Variants in PCDHAC2 observed in about 807,000 individuals in gnomAD.
The protein encoded by PCDHAC2 is protocadherin alpha subfamily C, 2, also known as protocadherin alpha-C2.
In PCDHAC2, 24 loss-of-function variants were observed where a neutral mutation model predicts 63.3. The observed-to-expected ratio is 0.38, with a 90% CI of 0.27 to 0.53. The LOEUF (loss-of-function observed/expected upper bound fraction) is 0.53, where lower values mean the gene tolerates loss of function less well. Ranked by LOEUF, PCDHAC2 falls within the 20% of genes least tolerant of loss-of-function variation. The pLI, the probability that PCDHAC2 is intolerant of heterozygous loss-of-function variation, is 0.81. For synonymous variants in PCDHAC2, 569 were observed against 529.4 expected (o/e 1.07, Z -1.03); for missense variants, 1,181 against 1,275.2 (o/e 0.93, Z 1.12).
intron 3 of PCDHAC2, among the ~76,000 whole-genome samples, chr5:140,983,718 T>C (rs2097062684): frequency 6.6e-6 from 1 of 152,248 alleles, no homozygotes; most frequent in South Asian, 2.1e-4. Context: ...CTAGCACTTA[T>C]ATTCATAACA....
intron 3 of PCDHAC2, among the ~76,000 whole-genome samples, chr5:140,995,578 T>C (rs1554254730): frequency 1.3e-5 from 2 of 152,256 alleles, no homozygotes; most frequent in African/African-American, 4.8e-5. Flanking sequence ...AGATGAGCTA[T>C]GAGCTTTTAA....
chr5:140,969,473 A>G (rs562575347), intron 1 of PCDHAC2, 142 bp downstream of exon 1: 1 of 1,478,090 alleles, frequency 6.8e-7, no homozygotes, highest in Non-Finnish European at 9.0e-7. Flanking sequence ...CCACAATTTG[A>G]TCATAATCTG....
chr5:140,980,724 T>G (rs2096903192), intron 2 of PCDHAC2, among the ~76,000 whole-genome samples: 1 of 152,176 alleles, frequency 6.6e-6, no homozygotes, highest in Non-Finnish European at 1.5e-5. Flanking sequence ...GGGTTTCAAT[T>G]AAGATATTAT....
chr5:140,967,986 C>A lies in PCDHAC2; in HGVS notation c.1220C>A (p.Thr407Lys). The A allele has an allele frequency of 6.2e-7, 1 of 1,614,226 alleles. No individual in the cohort carries two copies. The highest frequency in any genetic ancestry group is 8.5e-7 in the Non-Finnish European group (1 of 1,180,040). Residue 407 changes from threonine (T) to lysine (K), a missense_variant, in exon 1 of 4, where the codon ACA becomes AAA. By Grantham distance (78) the Thr-to-Lys change is moderately conservative. This residue lies in a region of PCDHAC2 where 968 missense variants were observed against 1,073.5 expected (regional missense o/e 0.90). Coordinates refer to ENST00000289269, the MANE Select transcript of PCDHAC2 (RefSeq NM_018899.6). The part of the protein sequence containing the change: ...NRKVSLGLEA[T>K]LPFRLNGFGN... ...AAAGTGAGCCTGGGTCTGGAGGCCA[C>A]ACTGCCTTTCCGACTGAATGGCTTT...
At chr5:140,981,665 CCTTT>C (rs1170982670) in intron 2 of PCDHAC2, among the ~76,000 whole-genome samples, 2 of 152,092 alleles carry the variant, frequency 1.3e-5, no homozygotes, top group Non-Finnish European at 2.9e-5. Flanking sequence ...TTTCTTCCTT[CCTTT>C]CTTCCTTCCT....
At chr5:140,974,690 T>G (rs2096636717) in intron 1 of PCDHAC2, among the ~76,000 whole-genome samples, 4 of 152,236 alleles carry the variant, frequency 2.6e-5, no homozygotes, top group Admixed American at 2.6e-4. Context: ...TTTGTATTTT[T>G]GGGTTTCACC....
In PCDHAC2 at chr5:140,968,210, A is replaced by T. The variant is rs376166734; in HGVS notation, c.1444A>T (p.Asn482Tyr). The T allele has an allele frequency of 2.5e-6, 4 of 1,613,882 alleles. No homozygotes were observed. Among genetic ancestry groups the T allele is most frequent in the Non-Finnish European group, 3.4e-6 (4 of 1,180,028 alleles). The change falls in exon 1 of 4, where the codon AAT (asparagine) becomes TAT (tyrosine). Residue 482 changes from asparagine to tyrosine, a missense_variant. By Grantham distance (143) the Asn-to-Tyr change is moderately radical. Around this residue, in one of 3 missense-constraint regions of PCDHAC2, gnomAD observed 968 missense variants for 1,073.5 expected, o/e 0.90. Transcript: ENST00000289269. ...DSYSIYIQEN[N>Y]LPGVLLCTVQ... ...CTATTCCATCTACATACAGGAGAAC[A>T]ATTTGCCAGGTGTGTTGCTCTGTAC...
intron 3 of PCDHAC2, among the ~76,000 whole-genome samples, chr5:140,985,992 G>A (rs1173402846): frequency 3.3e-5 from 5 of 152,068 alleles, no homozygotes; most frequent in African/African-American, 4.8e-5. Context: ...GCCCACCTCA[G>A]CCTCCCAAAG....
chr5:140,978,920 A>G, intron 1 of PCDHAC2, 29 bp from the exon 2 acceptor site: 1 of 1,614,014 alleles, frequency 6.2e-7, no homozygotes, highest in Non-Finnish European at 8.5e-7. Context: ...TTGTCATTTT[A>G]ACAGAAAACT....
At chr5:140,972,296 T>C (rs1303430452) in intron 1 of PCDHAC2, among the ~76,000 whole-genome samples, 2 of 151,468 alleles carry the variant, frequency 1.3e-5, no homozygotes, top group Non-Finnish European at 2.9e-5. Flanking sequence ...TGCGCCACCG[T>C]GTCTGACTAG....
At chr5:141,009,312 A>G (rs1355833857) in intron 3 of PCDHAC2, among the ~76,000 whole-genome samples, 1 of 152,160 alleles carries the variant, frequency 6.6e-6, no homozygotes, top group Non-Finnish European at 1.5e-5. Context: ...TTAAAAAGCT[A>G]GCCTGGCATG....
In PCDHAC2 at chr5:140,967,956, A is replaced by C; in HGVS notation, c.1190A>C (p.Asn397Thr). The C allele has an allele frequency of 6.2e-7, 1 of 1,614,172 alleles. No homozygotes were observed. Among genetic ancestry groups the C allele is most frequent in the Non-Finnish European group, 8.5e-7 (1 of 1,180,026 alleles). The change falls in exon 1 of 4, where the codon AAC becomes ACC. Residue 397 changes from asparagine to threonine, a missense_variant. Asn to Thr is a moderately conservative substitution (Grantham distance 65). This residue lies in a region of PCDHAC2 where 968 missense variants were observed against 1,073.5 expected (regional missense o/e 0.90). Transcript: ENST00000289269. The stretch of plus-strand genomic sequence containing the variant: ...GTCAATGACCAAGACTCAGGCCCCA[A>C]CCGGAAAGTGAGCCTGGGTCTGGAG... The part of the protein sequence containing the change: ...LSVNDQDSGP[N>T]RKVSLGLEAT...
chr5:140,972,947 C>T (rs1287629621), intron 1 of PCDHAC2, among the ~76,000 whole-genome samples: 1 of 152,096 alleles, frequency 6.6e-6, no homozygotes, highest in African/African-American at 2.4e-5. Context: ...CAGATGTGAG[C>T]CACCATGCCC....
chr5:140,972,660 ATTTTTTTTT>A (rs11350929), intron 1 of PCDHAC2, among the ~76,000 whole-genome samples: 1 of 117,268 alleles, frequency 8.5e-6, no homozygotes, highest in Non-Finnish European at 1.7e-5. Flanking sequence ...AAGAAACCAA[ATTTTTTTTT>A]TTTTTTTTTT....
At position 140,979,365 on chromosome 5, in the gene PCDHAC2, C is replaced by T. The variant is rs782063202; in HGVS notation, c.2624+358C>T. Among the ~76,000 whole-genome samples, 13 of 151,916 alleles carry T rather than the reference C, an allele frequency of 8.6e-5. 1 individual carries two copies. The highest frequency in any genetic ancestry group is 1.5e-5 in the Non-Finnish European group (1 of 67,992). On this transcript the variant is annotated intron_variant, in intron 2 of 3. Coordinates refer to ENST00000289269, the MANE Select transcript of PCDHAC2 (RefSeq NM_018899.6). ...TGTAATTAATACTCATGCTTTGAGA[C>T]TTGGGTACATTGTGCAATGTATACA...
chr5:140,968,553 G>T lies in PCDHAC2; in HGVS notation c.1787G>T (p.Arg596Leu), dbSNP rs782583876. ...TCAGCAGCCTTCGAGATGGTGCCTC[G>T]AACTGCCCCTGCTGGCTACCTGGTC... ...NSSAAFEMVPRTAPAGYLVTK... is the reference protein window; with the variant it reads ...NSSAAFEMVPLTAPAGYLVTK... The change falls in exon 1 of 4, where the codon CGA (arginine) becomes CTA (leucine). Residue 596 changes from arginine to leucine, a missense_variant. By Grantham distance (102) the Arg-to-Leu change is moderately radical (BLOSUM62 -2). Coordinates refer to ENST00000289269, the MANE Select transcript of PCDHAC2 (RefSeq NM_018899.6). 6.2e-7 allele frequency: 1 copy of T among 1,614,132 alleles called. No individual in the cohort carries two copies.
At chr5:140,975,552 G>A (rs1416724640) in intron 1 of PCDHAC2, among the ~76,000 whole-genome samples, 1 of 152,200 alleles carries the variant, frequency 6.6e-6, no homozygotes, top group Non-Finnish European at 1.5e-5. Flanking sequence ...CTATTAGGAA[G>A]GAAAAGGAGA....
At chr5:140,974,372 G>A (rs782769705) in intron 1 of PCDHAC2, among the ~76,000 whole-genome samples, 28 of 152,076 alleles carry the variant, frequency 1.8e-4, no homozygotes, top group Non-Finnish European at 4.0e-4. Flanking sequence ...AGCACTTTCT[G>A]TTGTACTGGA....
intron 3 of PCDHAC2, among the ~76,000 whole-genome samples, chr5:140,987,224 A>AT (rs34154612): frequency 0.031 from 4,713 of 152,034 alleles, 257 homozygotes; most frequent in African/African-American, 0.11. Context: ...AAAAAAAAAA[A>AT]AAATAATAAA....
Sources: gnomAD v4.1 joint callset for allele counts (sites outside exome capture counted in the v4.1 genomes callset) on GRCh38, gnomAD v4.1.1 for gene constraint, gnomAD v4.1.1 regional missense constraint, MANE v1.5 for transcripts, NCBI Gene and HGNC (gene_info 2026-07-23, HGNC 2026-07-21) for gene names.